WDR26: variants seen among roughly 807,000 people sequenced by gnomAD.
WDR26 encodes the protein WD repeat domain 26, also known as WD repeat-containing protein 26.
Under a neutral mutation model 84.1 loss-of-function variants are expected in WDR26, and 5 were observed. The ratio of observed to expected loss-of-function variants is 0.06; its 90% CI spans 0.03 to 0.13. The LOEUF is 0.13. Among genes scored for constraint, WDR26 ranks in the 10% least tolerant of loss-of-function variants. The pLI is 1.00. For synonymous variants in WDR26, 415 were observed against 389.6 expected (o/e 1.07, Z -0.77); for missense variants, 642 against 974.9 (o/e 0.66, Z 4.55).
chr1:224,413,203 A>C (rs61825766), intron 6 of WDR26: 1 of 808,204 alleles, frequency 1.2e-6, no homozygotes, highest in Non-Finnish European at 1.6e-6. Flanking sequence ...CAACAACAAC[A>C]AAAACCCCCC....
At chr1:224,429,184 C>A (rs1674314779) in intron 3 of WDR26, 1 of 151,934 alleles carries the variant, frequency 6.6e-6, no homozygotes, top group Non-Finnish European at 1.5e-5. Context: ...ATCGCTTGAA[C>A]CTGGGAGGCG....
At chr1:224,407,122 TAAAAAAAAAAA>T (rs1158264938) in intron 7 of WDR26, among the ~76,000 whole-genome samples, 5 of 11,678 alleles carry the variant, frequency 4.3e-4, no homozygotes, top group African/African-American at 5.8e-4. Context: ...ACTCTGTCTT[TAAAAAAAAAAA>T]AAAAAAAAAA....
chr1:224,392,355 CAA>C (rs879788087), intron 13 of WDR26, among the ~76,000 whole-genome samples: 2 of 128,740 alleles, frequency 1.6e-5, no homozygotes, highest in African/African-American at 2.9e-5. Context: ...GACTCCGTCT[CAA>C]AAAAAAAAAA....
At chr1:224,427,812 C>A (rs1019238510) in intron 3 of WDR26, among the ~76,000 whole-genome samples, 1 of 152,052 alleles carries the variant, frequency 6.6e-6, no homozygotes, top group Non-Finnish European at 1.5e-5. Context: ...GTAAATATAA[C>A]CTCAAGAAAG....
chr1:224,395,405 G>A (rs1054707980), intron 12 of WDR26, among the ~76,000 whole-genome samples: 3 of 152,070 alleles, frequency 2.0e-5, no homozygotes, highest in Non-Finnish European at 4.4e-5. Context: ...TGCCAGTTGA[G>A]GAAACCTTAG....
In WDR26 at chr1:224,431,497, T is replaced by C. The variant is rs369202299; in HGVS notation, c.907A>G (p.Thr303Ala). The change falls in exon 3 of 14, where the codon ACG (threonine) becomes GCG (alanine). Residue 303 changes from threonine to alanine, a missense_variant. By Grantham distance (58) the Thr-to-Ala change is moderately conservative (BLOSUM62 0). This residue lies in a region of WDR26 where 351 missense variants were observed against 672.8 expected (regional missense o/e 0.52). Coordinates refer to ENST00000414423, the MANE Select transcript of WDR26 (RefSeq NM_001379403.1). ...TTTACCACAATTATTCCCAACAACG[T>C]TTGAGAGATTTCAAGTGCGCCTCTT... 6.2e-7 allele frequency: 1 copy of C among 1,613,796 alleles called. No homozygotes were observed. Among genetic ancestry groups the C allele is most frequent in the Admixed American group, 1.7e-5 (1 of 59,998 alleles).
At chr1:224,419,675 T>C (rs1049404416) in intron 4 of WDR26, 60 bp from the exon 5 acceptor site, 4 of 1,366,430 alleles carry the variant, frequency 2.9e-6, no homozygotes, top group African/African-American at 2.9e-5. Flanking sequence ...ATAAATGTAA[T>C]TGAAAAGTAC....
In WDR26 at chr1:224,394,017, A is replaced by C. The variant is rs751426486; in HGVS notation, c.2075-4T>G. On this transcript the variant is annotated splice_region_variant and splice_polypyrimidine_tract_variant and intron_variant, in intron 12 of 13. Transcript: ENST00000414423. ...TGCCAGATGTAAACCTTGTGATCTGAACATATAGTAATTCAGAAAAAAGTT... is the reference window on the plus strand; with the variant it reads ...TGCCAGATGTAAACCTTGTGATCTGCACATATAGTAATTCAGAAAAAAGTT... The C allele has an allele frequency of 8.3e-6, 12 of 1,445,270 alleles. No homozygotes were observed. Among genetic ancestry groups the C allele is most frequent in the Non-Finnish European group, 1.8e-6 (2 of 1,081,584 alleles). 89.5% of individuals were successfully genotyped at this position (1,445,270 alleles called of 1,614,324 possible).
chr1:224,427,322 TA>T (rs1674259196), intron 3 of WDR26, among the ~76,000 whole-genome samples: 1 of 152,042 alleles, frequency 6.6e-6, no homozygotes, highest in Non-Finnish European at 1.5e-5. Flanking sequence ...ACTTAATATT[TA>T]TTTTTTTTGG....
chr1:224,406,927 G>A (rs1365359999), intron 7 of WDR26, among the ~76,000 whole-genome samples: 1 of 151,120 alleles, frequency 6.6e-6, no homozygotes, highest in Non-Finnish European at 1.5e-5. Context: ...TTTCAGACCA[G>A]CCTGGCCAAT....
chr1:224,386,056 T>C lies in WDR26; in HGVS notation c.*3779A>G, dbSNP rs1448247393. On this transcript the variant is annotated 3_prime_UTR_variant, in exon 14 of 14. Coordinates refer to ENST00000414423, the MANE Select transcript of WDR26 (RefSeq NM_001379403.1). ...TGGATTAAGTAGATAGGGGATGGGT[T>C]TTTATAGTTTTTATTTTTGTAACTA... 1 of 152,496 alleles carries C rather than the reference T, an allele frequency of 6.6e-6. No individual in the cohort carries two copies. The highest frequency in any genetic ancestry group is 6.5e-5 in the Admixed American group (1 of 15,272). The allele number at this position is 152,496 out of a possible 1,614,324, so 9.4% of individuals were successfully genotyped here. A position where few individuals can be genotyped will look rare whatever the true frequency, so the allele number is the denominator to read the frequency against.
rs1673014558 is a variant in WDR26, at chr1:224,387,445, C to T, written c.*2390G>A. 1.3e-5 allele frequency: 2 copies of T among 152,616 alleles called. No individual in the cohort carries two copies. Among genetic ancestry groups the T allele is most frequent in the African/African-American group, 4.8e-5 (2 of 41,446 alleles). The allele number at this position is 152,616 out of a possible 1,614,324, so 9.5% of individuals were successfully genotyped here. A position where few individuals can be genotyped will look rare whatever the true frequency, so the allele number is the denominator to read the frequency against. On this transcript the variant is annotated 3_prime_UTR_variant, in exon 14 of 14. Transcript: ENST00000414423. ...AAGACAGACCCGGAAAACAAACTCACCTAGCTGCTATAGAAACCTTTGCAT... is the reference window on the plus strand; with the variant it reads ...AAGACAGACCCGGAAAACAAACTCATCTAGCTGCTATAGAAACCTTTGCAT...
chr1:224,419,773 T>A (rs187999363), intron 4 of WDR26, among the ~76,000 whole-genome samples, 158 bp from the exon 5 acceptor site: 7 of 152,330 alleles, frequency 4.6e-5, no homozygotes, highest in Non-Finnish European at 8.8e-5. Context: ...GGCACCTGCA[T>A]ATAATTACTA....
chr1:224,426,557 A>G (rs1029578371), intron 3 of WDR26, among the ~76,000 whole-genome samples: 2 of 152,044 alleles, frequency 1.3e-5, no homozygotes, highest in African/African-American at 4.8e-5. Flanking sequence ...AATTACCAAG[A>G]TGCTCTGAAA....
intron 3 of WDR26, among the ~76,000 whole-genome samples, chr1:224,424,917 A>T (rs965547866): frequency 5.3e-5 from 8 of 152,220 alleles, no homozygotes; most frequent in African/African-American, 1.7e-4. Context: ...CTGAGGCATC[A>T]GCCTTGGAAA....
Position 224,434,726 on chromosome 1 carries a change from G to A in WDR26, c.-321C>T. On this transcript the variant is annotated 5_prime_UTR_variant, in exon 1 of 14. Transcript: ENST00000414423. ...GCGGCGGGCGGCAGCGGAGGCAGCT[G>A]CCGCCTCTGTCCTCGGATCCGCTCC... The A allele has an allele frequency of 3.1e-6, 3 of 983,218 alleles. No individual in the cohort carries two copies. Among genetic ancestry groups the A allele is most frequent in the Non-Finnish European group, 3.6e-6 (3 of 828,054 alleles). 60.9% of individuals were successfully genotyped at this position (983,218 alleles called of 1,614,324 possible).
chr1:224,403,437 T>A (rs1673470080), intron 8 of WDR26, among the ~76,000 whole-genome samples: 1 of 152,254 alleles, frequency 6.6e-6, no homozygotes, highest in African/African-American at 2.4e-5. Context: ...GGCACATAGA[T>A]CATCATTGTC....
At position 224,387,033 on chromosome 1, in the gene WDR26, C is replaced by A; in HGVS notation, c.*2802G>T. The A allele has an allele frequency of 6.6e-6, 1 of 152,554 alleles. No individual in the cohort carries two copies. Among genetic ancestry groups the A allele is most frequent in the Admixed American group, 6.5e-5 (1 of 15,276 alleles). 9.5% of individuals were successfully genotyped at this position (152,554 alleles called of 1,614,324 possible). A position where few individuals can be genotyped will look rare whatever the true frequency, so the allele number is the denominator to read the frequency against. ...CATTTAATTTTATATTTGCTCTAGC[C>A]CTTAATCAATGCATAACAACAAAAA... On this transcript the variant is annotated 3_prime_UTR_variant, in exon 14 of 14. Coordinates refer to ENST00000414423, the MANE Select transcript of WDR26 (RefSeq NM_001379403.1).
chr1:224,414,471 CATTTTAATCAGAATA>C (rs145934561), intron 6 of WDR26, among the ~76,000 whole-genome samples: 6 of 151,238 alleles, frequency 4.0e-5, no homozygotes, highest in South Asian at 2.1e-4. Flanking sequence ...CAGAATAATT[CATTTTAATCAGAATA>C]ATTTTAATCA....
Sources: allele counts gnomAD v4.1 joint callset (sites outside exome capture counted in the v4.1 genomes callset), GRCh38; gene constraint gnomAD v4.1.1; regional missense constraint gnomAD v4.1.1; transcripts MANE v1.5; gene names NCBI Gene and HGNC (gene_info 2026-07-23, HGNC 2026-07-21).